Variants in LRMDA observed in about 807,000 individuals in gnomAD.
The protein encoded by LRMDA is leucine rich melanocyte differentiation associated, also known as leucine-rich melanocyte differentiation-associated protein.
Under a neutral mutation model 29.8 loss-of-function variants are expected in LRMDA, and 18 were observed. That is an observed-to-expected ratio of 0.60 (90% CI 0.42 to 0.90). LRMDA has a LOEUF of 0.90. LRMDA is among the 40% of genes least tolerant of loss of function. LRMDA has a pLI of 0.00. For synonymous variants in LRMDA, 125 were observed against 109.4 expected (o/e 1.14, Z -0.89); for missense variants, 273 against 273.9 (o/e 1.00, Z 0.02).
At chr10:75,643,506 G>C (rs1171124605) in intron 2 of LRMDA, among the ~76,000 whole-genome samples, 1 of 152,196 alleles carries the variant, frequency 6.6e-6, no homozygotes, top group Non-Finnish European at 1.5e-5. Context: ...GTTGGTGACA[G>C]TAATGCCAGC....
At chr10:76,127,050 T>C (rs906645327) in intron 5 of LRMDA, among the ~76,000 whole-genome samples, 2 of 152,174 alleles carry the variant, frequency 1.3e-5, no homozygotes, top group African/African-American at 4.8e-5. Flanking sequence ...ATTGCTCACA[T>C]AGGAAATGCC....
intron 2 of LRMDA, among the ~76,000 whole-genome samples, chr10:75,466,817 C>T (rs1415274491): frequency 6.6e-6 from 1 of 152,170 alleles, no homozygotes; most frequent in Non-Finnish European, 1.5e-5. Context: ...TCTCCCACCT[C>T]TAAACCCTCC....
At chr10:75,981,287 T>G (rs1847165486) in intron 2 of LRMDA, among the ~76,000 whole-genome samples, 1 of 152,240 alleles carries the variant, frequency 6.6e-6, no homozygotes, top group Non-Finnish European at 1.5e-5. Context: ...GGTTGTATCA[T>G]TCATTCATCT....
chr10:76,384,056 C>A (rs1256717587), intron 6 of LRMDA, among the ~76,000 whole-genome samples: 2 of 152,070 alleles, frequency 1.3e-5, no homozygotes, highest in Non-Finnish European at 2.9e-5. Context: ...ATAGTAAACT[C>A]CCAAAGAGCA....
chr10:75,989,035 G>A (rs1329737211), intron 2 of LRMDA, among the ~76,000 whole-genome samples: 4 of 152,056 alleles, frequency 2.6e-5, no homozygotes, highest in African/African-American at 9.7e-5. Flanking sequence ...AGTCCTCCAC[G>A]ACACTCTGCA....
At chr10:75,813,379 A>T (rs564608112) in intron 2 of LRMDA, among the ~76,000 whole-genome samples, 4 of 152,180 alleles carry the variant, frequency 2.6e-5, no homozygotes, top group Non-Finnish European at 5.9e-5. Flanking sequence ...TCTACATCTT[A>T]ATCACTTGGG....
intron 2 of LRMDA, among the ~76,000 whole-genome samples, chr10:75,810,574 C>G (rs1843940939): frequency 6.6e-6 from 1 of 152,250 alleles, no homozygotes; most frequent in South Asian, 2.1e-4. Flanking sequence ...TTTTGATCTG[C>G]AGAAATACCA....
At chr10:76,161,820 C>T (rs944374903) in intron 5 of LRMDA, among the ~76,000 whole-genome samples, 2 of 152,166 alleles carry the variant, frequency 1.3e-5, no homozygotes, top group African/African-American at 2.4e-5. Flanking sequence ...TGTTGTTTTG[C>T]TGATTCTACT....
chr10:76,011,118 C>A (rs1207652984), intron 2 of LRMDA, among the ~76,000 whole-genome samples: 1 of 152,016 alleles, frequency 6.6e-6, no homozygotes, highest in Admixed American at 6.6e-5. Context: ...TCAGTGTTAA[C>A]TTTTTTTTAG....
chr10:76,306,208 C>A (rs952764760), intron 5 of LRMDA, among the ~76,000 whole-genome samples: 2 of 152,224 alleles, frequency 1.3e-5, no homozygotes, highest in African/African-American at 4.8e-5. Context: ...TTGCATACTG[C>A]AGCCCTTTTG....
At chr10:75,514,608 G>A (rs1471925111) in intron 2 of LRMDA, among the ~76,000 whole-genome samples, 1 of 152,106 alleles carries the variant, frequency 6.6e-6, no homozygotes, top group African/African-American at 2.4e-5. Context: ...TTGTGGTTAT[G>A]AGTGAGTTCT....
chr10:75,510,012 A>G (rs749859400), intron 2 of LRMDA, among the ~76,000 whole-genome samples: 17 of 152,252 alleles, frequency 1.1e-4, no homozygotes, highest in Non-Finnish European at 1.9e-4. Flanking sequence ...ACCAGAAACA[A>G]AAATGCCTGG....
At chr10:75,520,232 G>A (rs1397011257) in intron 2 of LRMDA, among the ~76,000 whole-genome samples, 1 of 152,154 alleles carries the variant, frequency 6.6e-6, no homozygotes, top group Non-Finnish European at 1.5e-5. Context: ...GCCTGCCTTG[G>A]TAGGTTGGGG....
At position 76,462,742 on chromosome 10, in the gene LRMDA, A is replaced by G. The variant is rs1257241063; in HGVS notation, c.602-94467A>G. On this transcript the variant is annotated intron_variant, in intron 6 of 6. Coordinates refer to ENST00000611255, the MANE Select transcript of LRMDA (RefSeq NM_001305581.2). Reference sequence around the variant, plus strand: ...TGCTAGGAAGCACTCCAGCCAGACAACAGCCCTCTCCAGCTACTCAGTGCC... The same window carrying G: ...TGCTAGGAAGCACTCCAGCCAGACAGCAGCCCTCTCCAGCTACTCAGTGCC... 2.0e-5 allele frequency among the ~76,000 whole-genome samples: 3 copies of G among 152,228 alleles called. No homozygotes were observed. The East Asian group carries it at 5.8e-4, about 29-fold the overall frequency.
chr10:75,677,084 G>T (rs1381603509), intron 2 of LRMDA, among the ~76,000 whole-genome samples: 5 of 152,210 alleles, frequency 3.3e-5, no homozygotes, highest in African/African-American at 4.8e-5. Flanking sequence ...TCTCTGGACT[G>T]CATTGCAGAA....
chr10:76,026,629 C>A (rs953734770), intron 2 of LRMDA, among the ~76,000 whole-genome samples: 2 of 152,162 alleles, frequency 1.3e-5, no homozygotes, highest in South Asian at 2.1e-4. Context: ...ATTAAAGAAG[C>A]CTTGCACAGT....
chr10:75,927,768 A>G (rs1310631332), intron 2 of LRMDA, among the ~76,000 whole-genome samples: 5 of 152,222 alleles, frequency 3.3e-5, no homozygotes, highest in Non-Finnish European at 7.3e-5. Flanking sequence ...GTCTGCCGAC[A>G]ATAAAGCCTC....
chr10:75,654,543 T>C (rs747140219), intron 2 of LRMDA, among the ~76,000 whole-genome samples: 1 of 152,200 alleles, frequency 6.6e-6, no homozygotes, highest in Non-Finnish European at 1.5e-5. Context: ...TATTTCATTG[T>C]TTGGCTCTTG....
intron 6 of LRMDA, among the ~76,000 whole-genome samples, chr10:76,389,801 A>T (rs1841701894): frequency 6.6e-6 from 1 of 152,082 alleles, no homozygotes; most frequent in Non-Finnish European, 1.5e-5. Context: ...ATGTGTCAAA[A>T]TTTCCTTTCT....
Sources: gnomAD v4.1 joint callset for allele counts (sites outside exome capture counted in the v4.1 genomes callset) on GRCh38, gnomAD v4.1.1 for gene constraint, MANE v1.5 for transcripts, NCBI Gene and HGNC (gene_info 2026-07-23, HGNC 2026-07-21) for gene names.